Variants in ATAD3A observed in about 807,000 individuals in gnomAD.
ATAD3A encodes the protein ATPase family AAA domain-containing protein 3A.
Under a neutral mutation model 73.8 loss-of-function variants are expected in ATAD3A, and 46 were observed. That is an observed-to-expected ratio of 0.62 (90% confidence interval 0.49 to 0.80). ATAD3A has a LOEUF of 0.80. Among genes scored for constraint, ATAD3A ranks in the 30% least tolerant of loss-of-function variants. The probability of loss-of-function intolerance (pLI) is 0.00; values close to 1 mark genes in which losing one functional copy is unlikely to be tolerated. For synonymous variants in ATAD3A, 319 were observed against 350.0 expected, an observed-to-expected ratio of 0.91 and a Z score of 0.99; for missense variants, 705 against 838.0, an observed-to-expected ratio of 0.84 and a Z score of 1.96.
In ATAD3A at chr1:1,523,511, G is replaced by T; in HGVS notation, c.907G>T (p.Val303Phe). 5 of 1,612,224 alleles carry T rather than the reference G, an allele frequency of 3.1e-6. No homozygotes were observed. The highest frequency in any genetic ancestry group is 4.2e-6 in the Non-Finnish European group (5 of 1,179,424). ...VLEALRHPIQVSRRLLSRPQD... is the reference protein window; with the variant it reads ...VLEALRHPIQFSRRLLSRPQD... ...GGCGCTTCCCCTTCCCCTCCGGCAG[G>T]TCAGCCGGCGGCTCCTCAGTCGACC... Residue 303 changes from valine to phenylalanine, a missense_variant and splice_region_variant, in exon 9 of 16, where the codon GTC becomes TTC. Val to Phe is a conservative substitution (Grantham distance 50). This residue lies in a region of ATAD3A where 315 missense variants were observed against 334.1 expected (regional missense o/e 0.94). Transcript: ENST00000378756. This position sits in a 1 kb window ranked among gnomAD's most constrained non-coding sequence, Gnocchi z 5.1.
chr1:1,524,229 C>A, intron 10 of ATAD3A, 44 bp from the exon 11 acceptor site: 1 of 1,613,568 alleles, frequency 6.2e-7, no homozygotes. Flanking sequence ...TTTGCAGAGG[C>A]GGAGGGAACA....
rs182964474 is a variant in ATAD3A at position 1,531,990 on chromosome 1, C to G, written c.1615-1936C>G. 2.8e-3 allele frequency among the ~76,000 whole-genome samples: 426 copies of G among 152,154 alleles called. 2 individuals carry two copies. The highest frequency in any genetic ancestry group is 5.0e-3 in the Admixed American group (77 of 15,300). ...CTCATAAAAGGGTTTTGAATTTGGT[C>G]GAATGCTTTTCCTGCATCAGATGAG... is the stretch of plus-strand genomic sequence containing the variant. On this transcript the variant is annotated intron_variant, in intron 15 of 15. Coordinates refer to ENST00000378756, the MANE Select transcript of ATAD3A (RefSeq NM_001170535.3).
rs374501546 is a variant in ATAD3A, at chr1:1,529,265, G to A, written c.1548G>A (p.Ser516=). 31 of 1,608,310 alleles carry A rather than the reference G, an allele frequency of 1.9e-5. No individual in the cohort carries two copies. Among genetic ancestry groups the A allele is most frequent in the East Asian group, 4.5e-5 (2 of 44,650 alleles). ...AGTTTGACTACGGGAGGAAGTGCTC[G>A]GAGGTCGCTCGGCTGACGGAGGGCA... ...LAQFDYGRKC[S]EVARLTEGMS... is the part of the protein sequence containing the mutation. Residue 516 remains serine (S), a synonymous_variant, in exon 15 of 16, where the codon TCG becomes TCA. Transcript: ENST00000378756.
intron 13 of ATAD3A, 86 bp from the exon 14 acceptor site, chr1:1,527,609 C>T (rs1260766135): frequency 4.0e-5 from 60 of 1,485,614 alleles, no homozygotes; most frequent in Non-Finnish European, 5.2e-5. Flanking sequence ...TTTAGGTTCT[C>T]CCTGTGGGGG....
At chr1:1,524,508 C>T (rs1212447501) in intron 11 of ATAD3A, 111 bp downstream of exon 11, 10 of 1,100,840 alleles carry the variant, frequency 9.1e-6, no homozygotes, top group Non-Finnish European at 1.3e-5. Flanking sequence ...GCAGCTCTGT[C>T]CTTGTGGCCA....
chr1:1,523,145 C>T lies in ATAD3A; in HGVS notation c.906+246C>T, dbSNP rs922780511. On this transcript the variant is annotated intron_variant, in intron 8 of 15. Transcript: ENST00000378756. This position sits in a 1 kb window ranked among gnomAD's most constrained non-coding sequence, Gnocchi z 5.1. ...CTCTTGATGGGGCCTGGGAGCACAT[C>T]GGGGTCCTTGCAAGACCCGGGACTT... 4.6e-5 allele frequency among the ~76,000 whole-genome samples: 7 copies of T among 152,080 alleles called. No homozygotes were observed. Among genetic ancestry groups the T allele is most frequent in the South Asian group, 4.2e-4 (2 of 4,818 alleles).
chr1:1,518,287 C>T (rs1445444358), intron 4 of ATAD3A, among the ~76,000 whole-genome samples: 5 of 123,376 alleles, frequency 4.1e-5, no homozygotes, highest in Middle Eastern at 9.9e-3. Context: ...CAGGTACGTA[C>T]CCCCCCACAC....
chr1:1,518,533 C>T (rs1229351783), intron 4 of ATAD3A, among the ~76,000 whole-genome samples: 1 of 122,710 alleles, frequency 8.1e-6, no homozygotes, highest in Non-Finnish European at 1.7e-5. Context: ...ACAGACCCCA[C>T]ACACACATAC....
chr1:1,515,101 T>C (rs1641314294), intron 1 of ATAD3A, among the ~76,000 whole-genome samples: 1 of 152,134 alleles, frequency 6.6e-6, no homozygotes, highest in Non-Finnish European at 1.5e-5. Context: ...AGATTTTTCT[T>C]TTTTAAGTCT....
intron 14 of ATAD3A, among the ~76,000 whole-genome samples, chr1:1,528,842 C>G (rs907095378): frequency 2.6e-5 from 4 of 152,248 alleles, no homozygotes; most frequent in African/African-American, 9.6e-5. Context: ...CTTCCCTGGG[C>G]TCCCCCACCC....
chr1:1,515,871 A>G, intron 1 of ATAD3A, 141 bp from the exon 2 acceptor site: 1 of 844,072 alleles, frequency 1.2e-6, no homozygotes, highest in Non-Finnish European at 1.9e-6. Context: ...CTGACTAGGA[A>G]GGAGGATGGG....
intron 1 of ATAD3A, among the ~76,000 whole-genome samples, chr1:1,515,078 T>G (rs1476351117): frequency 2.0e-5 from 3 of 152,116 alleles, no homozygotes; most frequent in Non-Finnish European, 1.5e-5. Flanking sequence ...TTTCGCCATG[T>G]TGGCCCGGAT....
chr1:1,512,804 C>T (rs1241992776), intron 1 of ATAD3A: 4 of 1,033,944 alleles, frequency 3.9e-6, no homozygotes, highest in African/African-American at 1.7e-5. Flanking sequence ...CTTGCCGCCT[C>T]CACGTGGCAC....
intron 11 of ATAD3A, among the ~76,000 whole-genome samples, 194 bp downstream of exon 11, chr1:1,524,591 C>T (rs534537942): frequency 1.8e-4 from 23 of 129,770 alleles, no homozygotes; most frequent in Admixed American, 5.9e-4. Context: ...CACGAGGCCC[C>T]CAGCGTGTGG....
At chr1:1,527,956 T>TC in intron 14 of ATAD3A, 94 bp downstream of exon 14, 1 of 1,189,352 alleles carries the variant, frequency 8.4e-7, no homozygotes, top group Non-Finnish European at 1.1e-6. Context: ...CCTTTAACAT[T>TC]CCTTTTTTTT....
In ATAD3A at chr1:1,515,549, C is replaced by A. The variant is rs144732729; in HGVS notation, c.206-463C>A. Among the ~76,000 whole-genome samples the A allele has an allele frequency of 1.6e-3, 246 of 152,318 alleles. 1 individual carries two copies. The highest frequency in any genetic ancestry group is 0.01 in the Middle Eastern group (3 of 294). On this transcript the variant is annotated intron_variant, in intron 1 of 15. Coordinates refer to ENST00000378756, the MANE Select transcript of ATAD3A (RefSeq NM_001170535.3). The stretch of plus-strand genomic sequence containing the variant: ...AACAAAACGTAACTGAGGACGTTGT[C>A]AGATGCTTGTCCTCGTCACCCTGAG...
At chr1:1,527,999 G>A (rs1303531802) in intron 14 of ATAD3A, 137 bp downstream of exon 14, 46 of 1,130,402 alleles carry the variant, frequency 4.1e-5, no homozygotes, top group South Asian at 2.8e-4. Context: ...CATTCTTGTC[G>A]CCCAGGCTGG....
chr1:1,517,361 G>A lies in ATAD3A; in HGVS notation c.333G>A (p.Gln111=). The A allele has an allele frequency of 6.5e-7, 1 of 1,538,532 alleles. No individual in the cohort carries two copies. The highest frequency in any genetic ancestry group is 8.7e-7 in the Non-Finnish European group (1 of 1,144,330). The change falls in exon 3 of 16, where the codon CAG becomes CAA. Residue 111 remains glutamine (Q), a synonymous_variant. Coordinates refer to ENST00000378756, the MANE Select transcript of ATAD3A (RefSeq NM_001170535.3). ...TCAAGAGCGAGCAGATCCGGGCGCA[G>A]GCTGAGGAGAGGAGGAAGACCCTGA... is the stretch of plus-strand genomic sequence containing the variant. ...EQLKSEQIRA[Q]AEERRKTLSE...
At chr1:1,531,333 C>A (rs1490521967) in intron 15 of ATAD3A, among the ~76,000 whole-genome samples, 2 of 152,128 alleles carry the variant, frequency 1.3e-5, no homozygotes, top group African/African-American at 4.8e-5. Flanking sequence ...TGCCTGTAAT[C>A]CCAGCTACTT....
Sources: gnomAD v4.1 joint callset for allele counts (sites outside exome capture counted in the v4.1 genomes callset) on GRCh38, gnomAD v4.1.1 for gene constraint, gnomAD v4.1.1 regional missense constraint, Gnocchi (gnomAD v3.1) non-coding constraint, MANE v1.5 for transcripts, NCBI Gene and HGNC (gene_info 2026-07-23, HGNC 2026-07-21) for gene names.